Variants in RAP1GDS1 observed in about 807,000 individuals in gnomAD.
The protein encoded by RAP1GDS1 is Rap1 GTPase-GDP dissociation stimulator 1.
A neutral mutation model predicts 71.1 loss-of-function variants in RAP1GDS1; 35 were observed. The observed-to-expected ratio is 0.49, with a 90% CI of 0.38 to 0.65. RAP1GDS1 has a LOEUF of 0.65. Ranked by LOEUF, RAP1GDS1 falls within the 30% of genes least tolerant of loss-of-function variation. RAP1GDS1 has a pLI of 0.00. For synonymous variants in RAP1GDS1, 229 were observed against 243.1 expected, an observed-to-expected ratio of 0.94 and a Z score of 0.54; for missense variants, 663 against 706.1, an observed-to-expected ratio of 0.94 and a Z score of 0.69.
intron 14 of RAP1GDS1, 55 bp downstream of exon 14, chr4:98,437,123 TAAATATA>T: frequency 6.8e-7 from 1 of 1,460,736 alleles, no homozygotes; most frequent in Non-Finnish European, 9.0e-7. Flanking sequence ...CATTAAATAT[TAAATATA>T]GAGTAATAGT....
intron 5 of RAP1GDS1, among the ~76,000 whole-genome samples, chr4:98,381,868 T>C (rs1247381669): frequency 1.3e-5 from 2 of 151,516 alleles, no homozygotes; most frequent in Non-Finnish European, 3.0e-5. Context: ...GTCACAAAAA[T>C]CCACCAACAT....
chr4:98,290,281 A>G (rs1215041663), intron 1 of RAP1GDS1, among the ~76,000 whole-genome samples: 1 of 152,114 alleles, frequency 6.6e-6, no homozygotes. Context: ...GAAAAATGCC[A>G]CCACAAATAA....
intron 1 of RAP1GDS1, among the ~76,000 whole-genome samples, chr4:98,281,968 C>G (rs139389371): frequency 6.6e-6 from 1 of 152,218 alleles, no homozygotes; most frequent in Non-Finnish European, 1.5e-5. Flanking sequence ...CCAAGTTGAT[C>G]GTGGTAGGTA....
chr4:98,264,313 T>C (rs957479803), intron 1 of RAP1GDS1, among the ~76,000 whole-genome samples: 1 of 152,040 alleles, frequency 6.6e-6, no homozygotes. Context: ...GGAGAATCAC[T>C]TGAACCCGGG....
intron 7 of RAP1GDS1, among the ~76,000 whole-genome samples, chr4:98,413,081 G>A (rs970049629): frequency 2.0e-5 from 3 of 152,130 alleles, no homozygotes; most frequent in African/African-American, 7.2e-5. Flanking sequence ...GATCTTTTCC[G>A]CACCCTAATA....
Position 98,358,969 on chromosome 4 carries a change from G to A in RAP1GDS1, c.361+6368G>A, listed in dbSNP as rs1307596310. Among the ~76,000 whole-genome samples the A allele has an allele frequency of 2.6e-5, 4 of 151,800 alleles. No individual in the cohort carries two copies. The East Asian group carries it at 5.8e-4, about 22-fold the overall frequency. On this transcript the variant is annotated intron_variant, in intron 4 of 14. Transcript: ENST00000408927. ...TTTTAAAACCTCACCTATCCAGAAA[G>A]CATATATATTCTCTTCCCTATGGGA...
chr4:98,410,018 C>A (rs1303970025), intron 7 of RAP1GDS1, among the ~76,000 whole-genome samples: 1 of 152,114 alleles, frequency 6.6e-6, no homozygotes, highest in Non-Finnish European at 1.5e-5. Context: ...GACTGCAATC[C>A]TAATGGCTTT....
intron 4 of RAP1GDS1, among the ~76,000 whole-genome samples, chr4:98,376,643 G>A (rs1741225230): frequency 6.6e-6 from 1 of 151,888 alleles, no homozygotes; most frequent in South Asian, 2.1e-4. Context: ...TCCAAAGAAA[G>A]AAAAAAGCTG....
At chr4:98,270,772 C>T (rs1723338576) in intron 1 of RAP1GDS1, among the ~76,000 whole-genome samples, 1 of 151,884 alleles carries the variant, frequency 6.6e-6, no homozygotes, top group South Asian at 2.1e-4. Context: ...TCTCCTGCCT[C>T]CCCTTTTACC....
chr4:98,417,378 C>G lies in RAP1GDS1; in HGVS notation c.919C>G (p.Gln307Glu). The part of the protein sequence containing the change: ...VLLLLGDESM[Q>E]KLFEGGKGSV... ...TCATTTACCTCCAGATGAATCCATG[C>G]AGAAGTTATTTGAAGGAGGAAAAGG... The change falls in exon 9 of 15, where the codon CAG (glutamine) becomes GAG (glutamate). Residue 307 changes from glutamine (Q) to glutamate (E), a missense_variant. Gln to Glu is a conservative substitution (Grantham distance 29). Transcript: ENST00000408927. The G allele has an allele frequency of 1.2e-6, 2 of 1,612,150 alleles. No homozygotes were observed. The highest frequency in any genetic ancestry group is 1.7e-6 in the Non-Finnish European group (2 of 1,178,686).
intron 5 of RAP1GDS1, among the ~76,000 whole-genome samples, chr4:98,391,317 TCTTA>T (rs763582969): frequency 7.2e-5 from 11 of 152,124 alleles, no homozygotes; most frequent in Non-Finnish European, 8.8e-5. Flanking sequence ...CTTTCCTCTC[TCTTA>T]CTGAGATGAT....
chr4:98,343,861 A>T (rs1233889594), intron 3 of RAP1GDS1, among the ~76,000 whole-genome samples: 1 of 152,200 alleles, frequency 6.6e-6, no homozygotes, highest in Non-Finnish European at 1.5e-5. Flanking sequence ...TGTGGTTTTA[A>T]TTCAGTCCGT....
chr4:98,364,853 T>G (rs1284078353), intron 4 of RAP1GDS1, among the ~76,000 whole-genome samples: 1 of 151,318 alleles, frequency 6.6e-6, no homozygotes, highest in African/African-American at 2.4e-5. Context: ...CATAGGGAGA[T>G]CCCATCTCTA....
chr4:98,411,832 T>G (rs1298138449), intron 7 of RAP1GDS1, among the ~76,000 whole-genome samples: 1 of 152,158 alleles, frequency 6.6e-6, no homozygotes, highest in African/African-American at 2.4e-5. Context: ...ATTTGTATAG[T>G]TCAAGGATTT....
chr4:98,382,517 T>C (rs559538853), intron 5 of RAP1GDS1, among the ~76,000 whole-genome samples: 1 of 151,702 alleles, frequency 6.6e-6, no homozygotes, highest in African/African-American at 2.4e-5. Context: ...TTTCTTCATT[T>C]TGTTACAACT....
chr4:98,430,143 G>A (rs890998990), intron 12 of RAP1GDS1, among the ~76,000 whole-genome samples: 6 of 152,030 alleles, frequency 3.9e-5, no homozygotes, highest in South Asian at 2.1e-4. Flanking sequence ...CCATCACCAC[G>A]CAGGTTCTTT....
chr4:98,326,874 G>T (rs546612309), intron 2 of RAP1GDS1, among the ~76,000 whole-genome samples: 13 of 152,282 alleles, frequency 8.5e-5, no homozygotes, highest in African/African-American at 3.1e-4. Context: ...TCTGAATTGT[G>T]TGGTGTGTGC....
intron 1 of RAP1GDS1, among the ~76,000 whole-genome samples, chr4:98,280,849 C>T (rs1177479338): frequency 1.3e-5 from 2 of 152,166 alleles, no homozygotes; most frequent in Admixed American, 6.5e-5. Context: ...TTTCCCAGCA[C>T]CGTTTATTAA....
chr4:98,381,910 T>G (rs1030257747), intron 5 of RAP1GDS1, among the ~76,000 whole-genome samples: 1 of 151,578 alleles, frequency 6.6e-6, no homozygotes, highest in African/African-American at 2.4e-5. Context: ...TTCAAATTAT[T>G]TATTAGTCTC....
Sources: allele counts gnomAD v4.1 joint callset (sites outside exome capture counted in the v4.1 genomes callset), GRCh38; gene constraint gnomAD v4.1.1; transcripts MANE v1.5; gene names NCBI Gene and HGNC (gene_info 2026-07-23, HGNC 2026-07-21).